Variants in CDKAL1 observed in about 807,000 individuals in gnomAD.
The protein encoded by CDKAL1 is threonylcarbamoyladenosine tRNA methylthiotransferase.
In CDKAL1, 32 loss-of-function variants were observed where a neutral mutation model predicts 68.2. The observed-to-expected ratio is 0.47, with a 90% confidence interval of 0.35 to 0.63. CDKAL1 has a LOEUF of 0.63. Ranked by LOEUF, CDKAL1 falls within the 30% of genes least tolerant of loss-of-function variation. The probability of loss-of-function intolerance (pLI) is 0.00; values close to 1 mark genes in which losing one functional copy is unlikely to be tolerated. For synonymous variants in CDKAL1, 234 were observed against 244.3 expected, an observed-to-expected ratio of 0.96 and a Z score of 0.39; for missense variants, 606 against 696.7, an observed-to-expected ratio of 0.87 and a Z score of 1.47.
At chr6:21,009,005 A>G (rs1044438479) in intron 11 of CDKAL1, among the ~76,000 whole-genome samples, 3 of 152,206 alleles carry the variant, frequency 2.0e-5, no homozygotes, top group Admixed American at 6.5e-5. Context: ...TTATTAGGCA[A>G]TATTTATTGA....
chr6:20,731,415 A>C (rs1772919728), intron 5 of CDKAL1, among the ~76,000 whole-genome samples: 1 of 152,164 alleles, frequency 6.6e-6, no homozygotes, highest in South Asian at 2.1e-4. Flanking sequence ...GTATGTTGAA[A>C]CATGGTATAT....
chr6:20,600,574 T>C (rs73732387), intron 4 of CDKAL1, among the ~76,000 whole-genome samples: 4,468 of 152,044 alleles, frequency 0.029, 188 homozygotes, highest in African/African-American at 0.098. Flanking sequence ...TGAACAAACA[T>C]GAGTTCTTGA....
chr6:20,892,526 C>A (rs529109394), intron 9 of CDKAL1, among the ~76,000 whole-genome samples: 11 of 152,200 alleles, frequency 7.2e-5, no homozygotes, highest in South Asian at 4.2e-4. Context: ...AGGGGTGATA[C>A]TAGTTGAAGC....
At chr6:20,944,331 G>A (rs1764129032) in intron 9 of CDKAL1, among the ~76,000 whole-genome samples, 2 of 151,564 alleles carry the variant, frequency 1.3e-5, no homozygotes, top group Admixed American at 6.6e-5. Context: ...AATCCTTCAT[G>A]TGTAGAAGTG....
intron 6 of CDKAL1, among the ~76,000 whole-genome samples, chr6:20,740,273 TTGA>T (rs1773390423): frequency 6.6e-6 from 1 of 152,226 alleles, no homozygotes; most frequent in South Asian, 2.1e-4. Flanking sequence ...TAAGTGTTTG[TTGA>T]TTGCCTGAAA....
chr6:20,906,991 C>T (rs1003535765), intron 9 of CDKAL1, among the ~76,000 whole-genome samples: 2 of 152,114 alleles, frequency 1.3e-5, no homozygotes, highest in Non-Finnish European at 2.9e-5. Context: ...TATACATACA[C>T]ATTATAACAC....
At chr6:21,196,330 T>C (rs1778469836) in intron 13 of CDKAL1, among the ~76,000 whole-genome samples, 1 of 152,230 alleles carries the variant, frequency 6.6e-6, no homozygotes, top group South Asian at 2.1e-4. Context: ...TAGAAGAATA[T>C]ACTTCAGTGA....
At chr6:20,928,171 C>T (rs552456911) in intron 9 of CDKAL1, among the ~76,000 whole-genome samples, 8 of 152,052 alleles carry the variant, frequency 5.3e-5, no homozygotes, top group African/African-American at 9.7e-5. Context: ...ATGGAGTGAT[C>T]GTTTTACAAT....
intron 10 of CDKAL1, among the ~76,000 whole-genome samples, chr6:20,958,424 A>C (rs1050314720): frequency 6.6e-6 from 1 of 152,154 alleles, no homozygotes; most frequent in Non-Finnish European, 1.5e-5. Flanking sequence ...GAAGGCTTAC[A>C]TGGCTTCCCA....
chr6:21,043,736 G>A (rs544913938), intron 11 of CDKAL1, among the ~76,000 whole-genome samples: 8 of 152,072 alleles, frequency 5.3e-5, no homozygotes, highest in African/African-American at 1.4e-4. Flanking sequence ...TAAAAGTATC[G>A]TCATGGAATT....
chr6:20,598,687 A>G (rs1203111003), intron 4 of CDKAL1, among the ~76,000 whole-genome samples: 12 of 152,224 alleles, frequency 7.9e-5, no homozygotes, highest in Admixed American at 7.9e-4. Flanking sequence ...ATAATTAATT[A>G]GTTTTTAGCA....
intron 9 of CDKAL1, among the ~76,000 whole-genome samples, chr6:20,868,720 A>C (rs1290869949): frequency 6.6e-6 from 1 of 152,228 alleles, no homozygotes; most frequent in Admixed American, 6.5e-5. Context: ...GCATGATGTC[A>C]TCCTTATCAA....
At chr6:21,128,903 C>A (rs1208565512) in intron 13 of CDKAL1, among the ~76,000 whole-genome samples, 1 of 152,166 alleles carries the variant, frequency 6.6e-6, no homozygotes, top group Non-Finnish European at 1.5e-5. Context: ...TTACAAGACC[C>A]AGTAAGATTT....
chr6:20,820,369 A>T (rs1349019072), intron 8 of CDKAL1, among the ~76,000 whole-genome samples: 1 of 152,142 alleles, frequency 6.6e-6, no homozygotes, highest in Non-Finnish European at 1.5e-5. Flanking sequence ...TAATTTACAG[A>T]CATTAGCTTG....
intron 11 of CDKAL1, among the ~76,000 whole-genome samples, chr6:21,038,582 CTT>C (rs1769723862): frequency 6.6e-6 from 1 of 152,218 alleles, no homozygotes; most frequent in African/African-American, 2.4e-5. Flanking sequence ...ACTGCTCTAA[CTT>C]ATCATAGCAA....
intron 9 of CDKAL1, among the ~76,000 whole-genome samples, chr6:20,883,349 C>A (rs1374926097): frequency 6.6e-6 from 1 of 152,174 alleles, no homozygotes; most frequent in African/African-American, 2.4e-5. Context: ...GCCCCTTCCC[C>A]ACATATGGTA....
intron 15 of CDKAL1, among the ~76,000 whole-genome samples, chr6:21,202,431 G>C (rs1778729400): frequency 6.6e-6 from 1 of 152,110 alleles, no homozygotes; most frequent in African/African-American, 2.4e-5. Flanking sequence ...GGATAGTATG[G>C]GTGGCCAGGA....
At chr6:20,709,124 T>TA (rs57111800) in intron 5 of CDKAL1, among the ~76,000 whole-genome samples, 1,716 of 149,832 alleles carry the variant, frequency 0.011, 19 homozygotes, top group African/African-American at 0.033. Context: ...TAACAGCTGT[T>TA]AAAAAAAAAA....
chr6:20,852,699 T>C (rs1759083383), intron 9 of CDKAL1, among the ~76,000 whole-genome samples: 2 of 152,246 alleles, frequency 1.3e-5, no homozygotes, highest in Admixed American at 1.3e-4. Flanking sequence ...TATGTGGCCT[T>C]TGCCTATTCA....
Sources: allele counts gnomAD v4.1 joint callset (sites outside exome capture counted in the v4.1 genomes callset), GRCh38; gene constraint gnomAD v4.1.1; transcripts MANE v1.5; gene names NCBI Gene and HGNC (gene_info 2026-07-23, HGNC 2026-07-21).